The following NECAB2 variants were observed in gnomAD, a reference collection of about 807,000 sequenced individuals.
NECAB2 encodes N-terminal EF-hand calcium binding protein 2, also known as N-terminal EF-hand calcium-binding protein 2.
NECAB2 carries 68 observed loss-of-function variants against 51.9 expected under a neutral mutation model. The ratio of observed to expected loss-of-function variants is 1.31; its 90% confidence interval spans 1.08 to 1.60. NECAB2 has a LOEUF of 1.60. Ranked by LOEUF, NECAB2 falls within the 40% of genes most tolerant of loss-of-function variation. The pLI, the probability that NECAB2 is intolerant of heterozygous loss-of-function variation, is 0.00. For synonymous variants in NECAB2, 329 were observed against 203.5 expected (o/e 1.62, Z -5.25); for missense variants, 854 against 490.3 (o/e 1.74, Z -7.00).
intron 9 of NECAB2, among the ~76,000 whole-genome samples, chr16:83,997,569 C>T (rs140015200): frequency 1.1e-4 from 16 of 143,014 alleles, no homozygotes; most frequent in East Asian, 4.1e-4. Flanking sequence ...CTTACTGCAA[C>T]CTCTGCCTCC....
At chr16:84,000,644 T>G (rs888475767) in intron 10 of NECAB2, 80 bp from the exon 11 acceptor site, 2 of 1,267,568 alleles carry the variant, frequency 1.6e-6, no homozygotes, top group African/African-American at 2.9e-5. Context: ...GTGGTGGGTC[T>G]CAGGCCACCC....
rs2084862613 is a variant in NECAB2 at position 84,002,661 on chromosome 16, C to G, written c.*315C>G. 1.1e-5 allele frequency: 5 copies of G among 462,740 alleles called. No individual in the cohort carries two copies. The highest frequency in any genetic ancestry group is 3.9e-5 in the East Asian group (1 of 25,772). The allele number at this position is 462,740 out of a possible 1,614,324, so 28.7% of individuals were successfully genotyped here. ...CCACGCATGACCCACACTGACCACACCCTGCCCTCTTCGGTGACATTCTTC... is the reference window on the plus strand; with the variant it reads ...CCACGCATGACCCACACTGACCACAGCCTGCCCTCTTCGGTGACATTCTTC... On this transcript the variant is annotated 3_prime_UTR_variant, in exon 13 of 13. Transcript: ENST00000305202.
chr16:83,998,690 T>C (rs2084757791), intron 10 of NECAB2, among the ~76,000 whole-genome samples: 1 of 152,212 alleles, frequency 6.6e-6, no homozygotes. Flanking sequence ...TCACAGGGGT[T>C]CCTGCACACT....
At chr16:83,983,879 C>G (rs909823146) in intron 5 of NECAB2, among the ~76,000 whole-genome samples, 2 of 151,796 alleles carry the variant, frequency 1.3e-5, no homozygotes, top group African/African-American at 2.4e-5. Flanking sequence ...ATCCATAACG[C>G]TTGGGTCTCA....
At chr16:83,989,208 G>T (rs2084591215) in intron 5 of NECAB2, among the ~76,000 whole-genome samples, 3 of 152,152 alleles carry the variant, frequency 2.0e-5, no homozygotes, top group Admixed American at 2.0e-4. Context: ...ATCATGTGTG[G>T]TTTTGGTCAT....
At chr16:83,976,402 T>A (rs1385611943) in intron 2 of NECAB2, among the ~76,000 whole-genome samples, 1 of 152,042 alleles carries the variant, frequency 6.6e-6, no homozygotes, top group African/African-American at 2.4e-5. Flanking sequence ...GTGTCGTGAG[T>A]GTTAAGAAGA....
intron 11 of NECAB2, 119 bp from the exon 12 acceptor site, chr16:84,001,706 A>AGACC (rs2084839603): frequency 9.5e-7 from 1 of 1,054,454 alleles, no homozygotes; most frequent in Non-Finnish European, 1.4e-6. Flanking sequence ...CTGAGTCCAA[A>AGACC]GACCCCCCGT....
At chr16:83,992,475 G>C (rs1050510777) in intron 6 of NECAB2, among the ~76,000 whole-genome samples, 10 of 148,912 alleles carry the variant, frequency 6.7e-5, no homozygotes, top group African/African-American at 2.5e-4. Context: ...AGAAGAAAAA[G>C]AGAAAATGCA....
At chr16:83,976,205 A>T (rs776842076) in intron 2 of NECAB2, among the ~76,000 whole-genome samples, 2 of 152,176 alleles carry the variant, frequency 1.3e-5, no homozygotes, top group Non-Finnish European at 2.9e-5. Flanking sequence ...TGCCTGAGCC[A>T]GCACCCACCC....
intron 8 of NECAB2, among the ~76,000 whole-genome samples, chr16:83,996,220 C>A (rs1309992295): frequency 1.3e-5 from 2 of 152,176 alleles, no homozygotes; most frequent in African/African-American, 4.8e-5. Flanking sequence ...TTTTCCAGCC[C>A]CAGGACCCCT....
In NECAB2 at chr16:83,978,466, G is replaced by A. The variant is rs1567666328; in HGVS notation, c.249G>A (p.Glu83=). ...CAGATGATGGGAAGCTGTCCTTGGA[G>A]GAATTCCAGCTCTTCTTTGCAGATG... The part of the protein sequence containing the change: ...DKNDDGKLSL[E]EFQLFFADGV... The change falls in exon 3 of 13, where the codon GAG becomes GAA. Residue 83 remains glutamate (E), a synonymous_variant. Transcript: ENST00000305202. The A allele has an allele frequency of 6.2e-7, 1 of 1,613,960 alleles. No homozygotes were observed. Among genetic ancestry groups the A allele is most frequent in the Non-Finnish European group, 8.5e-7 (1 of 1,179,936 alleles).
At chr16:83,997,347 G>GC in intron 9 of NECAB2, 78 bp downstream of exon 9, 1 of 1,576,466 alleles carries the variant, frequency 6.3e-7, no homozygotes, top group Non-Finnish European at 8.7e-7. Flanking sequence ...GTGGCTCAAT[G>GC]CCCCTGACCC....
chr16:83,990,094 A>G (rs548167628), intron 5 of NECAB2, among the ~76,000 whole-genome samples: 15 of 152,310 alleles, frequency 9.8e-5, no homozygotes, highest in South Asian at 8.3e-4. Context: ...ACCAGTCACT[A>G]TCACTGCCAC....
chr16:83,997,877 A>T (rs12926503), intron 9 of NECAB2, among the ~76,000 whole-genome samples: 1 of 150,876 alleles, frequency 6.6e-6, no homozygotes, highest in African/African-American at 2.5e-5. Flanking sequence ...TGCTGAGTCC[A>T]TCAACTATGA....
At chr16:83,970,631 T>C (rs1010703796) in intron 1 of NECAB2, among the ~76,000 whole-genome samples, 3 of 152,090 alleles carry the variant, frequency 2.0e-5, no homozygotes, top group African/African-American at 7.2e-5. Context: ...AGAGTGAGTA[T>C]TACCTCCTCC....
intron 5 of NECAB2, among the ~76,000 whole-genome samples, chr16:83,989,344 C>T (rs1426228730): frequency 6.6e-6 from 1 of 152,176 alleles, no homozygotes; most frequent in East Asian, 1.9e-4. Context: ...GCTTGGGTCG[C>T]CCACCTTCAC....
rs60014664 is a variant in NECAB2 at position 83,992,377 on chromosome 16, T to TCCCCCCC, written c.596+1753_596+1754insCCCCCCC. On this transcript the variant is annotated intron_variant, in intron 6 of 12. Transcript: ENST00000305202. ...ATCTCCCGGGGAACACGAGCACCCGTCCCCCCGCCCACCTCCATTTGCTGT... is the reference window on the plus strand; with the variant it reads ...ATCTCCCGGGGAACACGAGCACCCGTCCCCCCCCCCCCCGCCCACCTCCATTTGCTGT... Among the ~76,000 whole-genome samples, 289 of 133,020 alleles carry TCCCCCCC rather than the reference T, an allele frequency of 2.2e-3. 2 individuals carry two copies. The highest frequency in any genetic ancestry group is 4.7e-3 in the African/African-American group (147 of 31,388). 87.3% of individuals were successfully genotyped at this position (133,020 alleles called of 152,430 possible).
intron 2 of NECAB2, among the ~76,000 whole-genome samples, chr16:83,976,877 C>T (rs1013651582): frequency 3.9e-5 from 6 of 152,218 alleles, no homozygotes; most frequent in Admixed American, 6.5e-5. Flanking sequence ...TGTTGAGCTC[C>T]AGCAGAGCTG....
chr16:84,002,217 C>T (rs1035395009), intron 12 of NECAB2, 101 bp from the exon 13 acceptor site: 49 of 1,445,360 alleles, frequency 3.4e-5, no homozygotes, highest in Non-Finnish European at 4.0e-5. Context: ...CACACAAGGA[C>T]TCAAAGCCAT....
Sources: allele counts gnomAD v4.1 joint callset (sites outside exome capture counted in the v4.1 genomes callset), GRCh38; gene constraint gnomAD v4.1.1; transcripts MANE v1.5; gene names NCBI Gene and HGNC (gene_info 2026-07-23, HGNC 2026-07-21).